The following ABCA10 variants were observed in gnomAD, a reference collection of about 807,000 sequenced individuals.
ABCA10 encodes the protein ATP-binding cassette sub-family A member 10.
ABCA10 carries 169 observed loss-of-function variants against 187.5 expected under a neutral mutation model. The observed-to-expected ratio is 0.90, with a 90% confidence interval of 0.80 to 1.02. The LOEUF (loss-of-function observed/expected upper bound fraction) is 1.02, where lower values mean the gene tolerates loss of function less well. Among genes scored for constraint, ABCA10 ranks in the 50% least tolerant of loss-of-function variants. The pLI is 0.00. For missense variants in ABCA10, 1,727 were observed against 1,812.4 expected, an observed-to-expected ratio of 0.95 and a Z score of 0.86; for synonymous variants, 574 against 601.8, an observed-to-expected ratio of 0.95 and a Z score of 0.68.
chr17:69,214,963 T>A, intron 8 of ABCA10, 112 bp from the exon 9 acceptor site: 1 of 707,316 alleles, frequency 1.4e-6, no homozygotes, highest in Non-Finnish European at 2.1e-6. Context: ...TTTTAATACC[T>A]TTTCAAATAT....
In ABCA10 at chr17:69,155,067, T is replaced by C; in HGVS notation, c.3646A>G (p.Arg1216Gly). The change falls in exon 30 of 39, where the codon AGA becomes GGA. Residue 1216 changes from arginine (R) to glycine (G), a missense_variant. Physicochemically the swap from Arg to Gly is moderately radical, Grantham distance 125. Transcript: ENST00000690296. ...TTTCTGATGGCTATTTTCTTCTTTC[T>C]TGTTGAAAAGCAACTTTTCTTTGTC... ...YETKKSCFST[R>G]KKKIAIRNVS... 6.2e-7 allele frequency: 1 copy of C among 1,612,754 alleles called. No homozygotes were observed. The highest frequency in any genetic ancestry group is 8.5e-7 in the Non-Finnish European group (1 of 1,179,132).
chr17:69,175,835 T>C (rs1431155015), intron 22 of ABCA10: 1 of 179,390 alleles, frequency 5.6e-6, no homozygotes, highest in African/African-American at 2.4e-5. Context: ...GTTTTTTTAA[T>C]CTGATAACTG....
At chr17:69,216,068 A>G (rs142826315) in intron 7 of ABCA10, 68 bp from the exon 8 acceptor site, 81 of 1,564,062 alleles carry the variant, frequency 5.2e-5, no homozygotes, top group Middle Eastern at 5.1e-4. Context: ...ATATTCATCG[A>G]TTTCTCACAT....
In ABCA10 at chr17:69,174,615, A is replaced by G. The variant is rs780060934; in HGVS notation, c.3040T>C (p.Phe1014Leu). ...AAAAAATGATCACTTACCAAAACAAACATGAGTTCCCATGAAAGCTGGAAT... is the reference window on the plus strand; with the variant it reads ...AAAAAATGATCACTTACCAAAACAAGCATGAGTTCCCATGAAAGCTGGAAT... ...LGFQLSWELM[F>L]VLVVCIIGCA... is the part of the protein sequence containing the mutation. Residue 1014 changes from phenylalanine to leucine, a missense_variant, in exon 24 of 39, where the codon TTT becomes CTT. Phe to Leu is a conservative substitution (Grantham distance 22). Coordinates refer to ENST00000690296, the MANE Select transcript of ABCA10 (RefSeq NM_001377321.1). 2.5e-6 allele frequency: 4 copies of G among 1,594,236 alleles called. No individual in the cohort carries two copies. In the South Asian group the frequency reaches 3.4e-5, roughly 14 times the overall value.
intron 17 of ABCA10, among the ~76,000 whole-genome samples, 188 bp downstream of exon 17, chr17:69,190,988 G>A (rs763324325): frequency 2.6e-5 from 4 of 152,094 alleles, no homozygotes; most frequent in Non-Finnish European, 4.4e-5. Flanking sequence ...TATATTCATG[G>A]AAATTTTAGT....
chr17:69,197,502 C>A (rs970371085), intron 10 of ABCA10, among the ~76,000 whole-genome samples: 12 of 152,110 alleles, frequency 7.9e-5, no homozygotes, highest in South Asian at 2.1e-4. Context: ...AAATAATAAT[C>A]TTTACTCCCT....
chr17:69,224,567 A>T (rs1296576172), intron 3 of ABCA10, among the ~76,000 whole-genome samples: 3 of 152,110 alleles, frequency 2.0e-5, no homozygotes, highest in Non-Finnish European at 4.4e-5. Flanking sequence ...CTCACATAGT[A>T]AGTAGGACTC....
chr17:69,212,360 T>C (rs779575389), intron 9 of ABCA10, among the ~76,000 whole-genome samples: 19 of 152,206 alleles, frequency 1.2e-4, no homozygotes, highest in Non-Finnish European at 2.6e-4. Flanking sequence ...ATAATGTTGA[T>C]TTATTGAGAC....
chr17:69,156,976 A>T, intron 27 of ABCA10, 53 bp from the exon 28 acceptor site: 1 of 1,048,996 alleles, frequency 9.5e-7, no homozygotes, highest in Non-Finnish European at 1.3e-6. Context: ...ATTCACACTC[A>T]ATGGTGAATA....
chr17:69,152,377 A>G lies in ABCA10; in HGVS notation c.4241T>C (p.Val1414Ala), dbSNP rs1159978445. Residue 1414 changes from valine (V) to alanine (A), a missense_variant, in exon 35 of 39, where the codon GTG (valine) becomes GCG (alanine). Val to Ala is a moderately conservative substitution (Grantham distance 64, BLOSUM62 0). Transcript: ENST00000690296. Reference sequence around the variant, plus strand: ...AGGCACCCACCTTAGCGTTCCTGACACCATCATGGCCATACGGTCACACAC... The same window carrying G: ...AGGCACCCACCTTAGCGTTCCTGACGCCATCATGGCCATACGGTCACACAC... ...EAVCDRMAMMVSGTLRCIGSI... is the reference protein window; with the variant it reads ...EAVCDRMAMMASGTLRCIGSI... The G allele has an allele frequency of 6.2e-7, 1 of 1,613,856 alleles. No homozygotes were observed. Among genetic ancestry groups the G allele is most frequent in the South Asian group, 1.1e-5 (1 of 91,024 alleles).
chr17:69,243,611 T>G (rs2074920000), intron 1 of ABCA10, among the ~76,000 whole-genome samples: 1 of 152,352 alleles, frequency 6.6e-6, no homozygotes, highest in South Asian at 2.1e-4. Context: ...TTTACGATGC[T>G]TGAAGGCCAG....
At chr17:69,210,817 C>CAT (rs1225966070) in intron 9 of ABCA10, among the ~76,000 whole-genome samples, 210 of 128,564 alleles carry the variant, frequency 1.6e-3, no homozygotes, top group African/African-American at 7.8e-3. Flanking sequence ...CATATATATA[C>CAT]ATATATATAT....
chr17:69,216,075 AC>A, intron 7 of ABCA10, 75 bp from the exon 8 acceptor site: 1 of 1,560,350 alleles, frequency 6.4e-7, no homozygotes, highest in South Asian at 1.2e-5. Context: ...TCGATTTCTC[AC>A]ATTGTCAAAA....
rs9906018 is a variant in ABCA10 at position 69,199,216 on chromosome 17, T to A, written c.1176-2094A>T. 3.9e-3 allele frequency among the ~76,000 whole-genome samples: 587 copies of A among 152,258 alleles called. 5 individuals carry two copies. Among genetic ancestry groups the A allele is most frequent in the African/African-American group, 0.014 (565 of 41,538 alleles). On this transcript the variant is annotated intron_variant, in intron 10 of 38. Transcript: ENST00000690296. ...ACTTTCCCCACTACACTACACTAGG[T>A]TGGATGATCCTTCTTTATTTCTTTT...
intron 25 of ABCA10, among the ~76,000 whole-genome samples, chr17:69,171,948 A>AG (rs1010593792): frequency 6.6e-6 from 1 of 151,770 alleles, no homozygotes; most frequent in Non-Finnish European, 1.5e-5. Flanking sequence ...AAAAAAAAAA[A>AG]AAAAAGATTG....
Position 69,152,090 on chromosome 17 carries a change from G to T in ABCA10, c.4350C>A (p.Leu1450=), listed in dbSNP as rs772663328. The change falls in exon 36 of 39, where the codon CTC becomes CTA. Residue 1450 remains leucine (L), a synonymous_variant. Transcript: ENST00000690296. ...KMKEPTQVEA[L]HTEILKLFPQ... is the part of the protein sequence containing the mutation. Reference sequence around the variant, plus strand: ...GGAAAAGCTTCAAAATCTCTGTGTGGAGAGCTTCCACCTGGGTAGGTTCTT... The same window carrying T: ...GGAAAAGCTTCAAAATCTCTGTGTGTAGAGCTTCCACCTGGGTAGGTTCTT... The T allele has an allele frequency of 1.7e-5, 27 of 1,613,262 alleles. No individual in the cohort carries two copies. The highest frequency in any genetic ancestry group is 2.3e-5 in the Non-Finnish European group (27 of 1,179,866).
At chr17:69,197,154 T>C in intron 10 of ABCA10, 32 bp from the exon 11 acceptor site, 1 of 1,497,952 alleles carries the variant, frequency 6.7e-7, no homozygotes, top group East Asian at 2.3e-5. Flanking sequence ...TTCATGTAAA[T>C]GCATTTTCTA....
At chr17:69,223,560 T>C in intron 3 of ABCA10, 1 of 346,796 alleles carries the variant, frequency 2.9e-6, no homozygotes, top group Non-Finnish European at 5.6e-6. Context: ...TTTATTAACT[T>C]TGTATCTCAC....
chr17:69,174,991 T>C (rs1327410728), intron 23 of ABCA10, among the ~76,000 whole-genome samples: 2 of 152,288 alleles, frequency 1.3e-5, no homozygotes, highest in East Asian at 1.9e-4. Flanking sequence ...AATTTACCCA[T>C]TGATACAGAT....
Sources: gnomAD v4.1 joint callset for allele counts (sites outside exome capture counted in the v4.1 genomes callset) on GRCh38, gnomAD v4.1.1 for gene constraint, MANE v1.5 for transcripts, NCBI Gene and HGNC (gene_info 2026-07-23, HGNC 2026-07-21) for gene names.